The following PLAT variants were observed in gnomAD, a reference collection of about 807,000 sequenced individuals.
PLAT encodes plasminogen activator, tissue type, also known as tissue-type plasminogen activator.
PLAT carries 48 observed loss-of-function variants against 74.9 expected under a neutral mutation model. The observed-to-expected ratio is 0.64, with a 90% CI of 0.51 to 0.82. The LOEUF is 0.82. Ranked by LOEUF, PLAT falls within the 40% of genes least tolerant of loss-of-function variation. The pLI is 0.00. For missense variants in PLAT, 673 were observed against 736.2 expected (o/e 0.91, Z 0.99); for synonymous variants, 307 against 294.4 (o/e 1.04, Z -0.44).
At chr8:42,207,445 T>C (rs932137665) in intron 1 of PLAT, 49 bp downstream of exon 1, 4 of 152,262 alleles carry the variant, frequency 2.6e-5, no homozygotes, top group African/African-American at 4.8e-5. Context: ...GAAAGACTTT[T>C]AAGAGAAAGA....
intron 9 of PLAT, 112 bp from the exon 10 acceptor site, chr8:42,180,797 G>C: frequency 1.4e-6 from 1 of 712,488 alleles, no homozygotes; most frequent in East Asian, 2.7e-5. Flanking sequence ...CACTTGGTGG[G>C]ATCAGCATGC....
intron 1 of PLAT, among the ~76,000 whole-genome samples, chr8:42,206,337 G>A (rs557760402): frequency 2.0e-5 from 3 of 152,258 alleles, no homozygotes; most frequent in Admixed American, 2.0e-4. Flanking sequence ...GCCAGTGCTG[G>A]AGTCCGACTC....
At chr8:42,176,917 C>G (rs1804994080) in intron 13 of PLAT, among the ~76,000 whole-genome samples, 1 of 151,960 alleles carries the variant, frequency 6.6e-6, no homozygotes, top group South Asian at 2.1e-4. Context: ...TAGAAGTTTG[C>G]TGATGTTTTT....
intron 1 of PLAT, among the ~76,000 whole-genome samples, chr8:42,194,518 G>A (rs949058873): frequency 6.6e-6 from 1 of 152,146 alleles, no homozygotes; most frequent in South Asian, 2.1e-4. Context: ...TGGGCTGAAG[G>A]GCTAGACCAT....
Position 42,179,926 on chromosome 8 carries a change from A to G in PLAT, c.1363T>C (p.Leu455=), listed in dbSNP as rs139924405. The G allele has an allele frequency of 3.3e-4, 527 of 1,587,178 alleles. No homozygotes were observed. The highest frequency in any genetic ancestry group is 4.3e-4 in the Non-Finnish European group (497 of 1,164,008). Residue 455 remains leucine (L), a splice_region_variant and synonymous_variant, in exon 12 of 14, where the codon TTG becomes CTG. Transcript: ENST00000220809. ...ELSGYGKHEA[L]SPFYSERLKE... is the part of the protein sequence containing the mutation. ...GGGGCCGAGACTTCCTTCCACTTAC[A>G]GGCCTCATGCTTGCCGTAGCCGGAG...
chr8:42,187,035 A>G (rs570893212), intron 6 of PLAT: 48 of 179,748 alleles, frequency 2.7e-4, no homozygotes, highest in Non-Finnish European at 4.2e-4. Context: ...TCTATCATCT[A>G]TCCATCTATC....
chr8:42,193,233 C>G (rs1222665694), intron 1 of PLAT, 22 bp from the exon 2 acceptor site: 1 of 1,501,728 alleles, frequency 6.7e-7, no homozygotes, highest in Non-Finnish European at 9.3e-7. Flanking sequence ...GAAAAAACAG[C>G]TTGATCACGG....
In PLAT at chr8:42,207,284, C is replaced by A. The variant is rs528849983; in HGVS notation, c.-27+210G>T. Among the ~76,000 whole-genome samples, 5 of 152,342 alleles carry A rather than the reference C, an allele frequency of 3.3e-5. No individual in the cohort carries two copies. The South Asian group carries it at 6.2e-4, about 19-fold the overall frequency. On this transcript the variant is annotated intron_variant, in intron 1 of 13. Transcript: ENST00000220809. ...CTAGTCTCCCTTTCCCCGACTGCCT[C>A]TCCCCTCCAAAACACTCCAGCCTAT...
rs906987288 is a variant in PLAT, at chr8:42,185,016, G to A, written c.631+65C>T. 16 of 1,104,278 alleles carry A rather than the reference G, an allele frequency of 1.4e-5. No individual in the cohort carries two copies. In the African/African-American group the frequency reaches 1.7e-4, roughly 12 times the overall value. The allele number at this position is 1,104,278 out of a possible 1,614,324, so 68.4% of individuals were successfully genotyped here. ...CCCCTCAGGTGCAGGAGGGCTATCG[G>A]CCTGTCCTCCTGGACTTTCCTCCCC... On this transcript the variant is annotated intron_variant, in intron 7 of 13. Transcript: ENST00000220809.
intron 9 of PLAT, 39 bp from the exon 10 acceptor site, chr8:42,180,724 GCCT>G (rs1407994765): frequency 2.0e-6 from 3 of 1,477,852 alleles, no homozygotes; most frequent in Non-Finnish European, 2.7e-6. Flanking sequence ...AGTCCCACAG[GCCT>G]CCTGCACGTG....
intron 9 of PLAT, 104 bp from the exon 10 acceptor site, chr8:42,180,789 C>G (rs1805211279): frequency 1.3e-6 from 1 of 761,428 alleles, no homozygotes; most frequent in Non-Finnish European, 2.1e-6. Context: ...ACAACTTTCA[C>G]TTGGTGGGAT....
At chr8:42,194,794 A>ACCCCCCCCCCCCCCC (rs8178720) in intron 1 of PLAT, among the ~76,000 whole-genome samples, 1 of 121,824 alleles carries the variant, frequency 8.2e-6, no homozygotes, top group Non-Finnish European at 1.7e-5. Flanking sequence ...CTCCACGCCC[A>ACCCCCCCCCCCCCCC]CCCCCCCCAC....
chr8:42,197,479 T>G (rs8178709), intron 1 of PLAT, among the ~76,000 whole-genome samples: 42 of 152,316 alleles, frequency 2.8e-4, no homozygotes, highest in African/African-American at 1.0e-3. Context: ...TCCTGGGAGA[T>G]GTACTGTTTC....
At chr8:42,203,689 G>T (rs913010268) in intron 1 of PLAT, among the ~76,000 whole-genome samples, 1 of 152,074 alleles carries the variant, frequency 6.6e-6, no homozygotes, top group Non-Finnish European at 1.5e-5. Context: ...GAGGGACTGG[G>T]CACAGTGGCT....
chr8:42,200,751 G>A (rs1806099055), intron 1 of PLAT, among the ~76,000 whole-genome samples: 1 of 150,260 alleles, frequency 6.7e-6, no homozygotes, highest in African/African-American at 2.5e-5. Context: ...CAGGACTCAA[G>A]CCCAGGAGAC....
chr8:42,205,502 G>A (rs1236107466), intron 1 of PLAT, among the ~76,000 whole-genome samples: 1 of 152,048 alleles, frequency 6.6e-6, no homozygotes, highest in Non-Finnish European at 1.5e-5. Context: ...CTCTAGCCTG[G>A]GCAAAAAGAG....
chr8:42,188,833 C>A, intron 4 of PLAT, 101 bp downstream of exon 4: 1 of 968,028 alleles, frequency 1.0e-6, no homozygotes, highest in Non-Finnish European at 1.6e-6. Flanking sequence ...TATGTTTGCC[C>A]AGATTGGTCT....
At chr8:42,191,096 C>A (rs1021788753) in intron 3 of PLAT, among the ~76,000 whole-genome samples, 1 of 152,214 alleles carries the variant, frequency 6.6e-6, no homozygotes, top group South Asian at 2.1e-4. Context: ...TGGCCGCCCC[C>A]CCCAGCCCCC....
chr8:42,204,684 C>A, intron 1 of PLAT, among the ~76,000 whole-genome samples: 1 of 147,464 alleles, frequency 6.8e-6, no homozygotes, highest in Admixed American at 6.8e-5. Flanking sequence ...CACTGCACCC[C>A]AGCCTGGTGA....
Sources: allele counts gnomAD v4.1 joint callset (sites outside exome capture counted in the v4.1 genomes callset), GRCh38; gene constraint gnomAD v4.1.1; transcripts MANE v1.5; gene names NCBI Gene and HGNC (gene_info 2026-07-23, HGNC 2026-07-21).